Variants in GALNT13 observed in about 807,000 individuals in gnomAD.
GALNT13 encodes UDP-GalNAc:polypeptide N-acetylgalactosaminyltransferase 13.
In GALNT13, 28 loss-of-function variants were observed where a neutral mutation model predicts 64.2. The ratio of observed to expected loss-of-function variants is 0.44; its 90% CI spans 0.32 to 0.60. The LOEUF (loss-of-function observed/expected upper bound fraction) is 0.60. Among genes scored for constraint, GALNT13 ranks in the 20% least tolerant of loss-of-function variants. GALNT13 has a pLI of 0.05. For missense variants in GALNT13, 577 were observed against 669.8 expected (o/e 0.86, Z 1.53); for synonymous variants, 214 against 224.6 (o/e 0.95, Z 0.42).
the GALNT13 span, among the ~76,000 whole-genome samples, chr2:153,307,175 A>G: frequency 6.6e-6 from 1 of 152,342 alleles, no homozygotes; most frequent in South Asian, 2.1e-4. Flanking sequence ...TAAAGCATCA[A>G]TTAATCTAAT....
chr2:154,382,996 A>T (rs2105335391), intron 9 of GALNT13, among the ~76,000 whole-genome samples: 1 of 151,944 alleles, frequency 6.6e-6, no homozygotes, highest in Middle Eastern at 3.4e-3. Context: ...GGTTAGAAAA[A>T]TCCACGGGCC....
the GALNT13 span, among the ~76,000 whole-genome samples, chr2:153,601,574 A>G: frequency 6.6e-6 from 1 of 151,524 alleles, no homozygotes; most frequent in Non-Finnish European, 1.5e-5. Context: ...CTCAAGCAGA[A>G]CAAGGGCAAA....
the GALNT13 span, among the ~76,000 whole-genome samples, chr2:153,557,456 C>G: frequency 1.3e-5 from 2 of 152,176 alleles, no homozygotes; most frequent in Admixed American, 6.5e-5. Context: ...CTTCCATCCT[C>G]GCCTGTCCCT....
the GALNT13 span, among the ~76,000 whole-genome samples, chr2:153,282,616 A>G: frequency 6.6e-6 from 1 of 152,042 alleles, no homozygotes. Flanking sequence ...GGGTTTCACC[A>G]TGTTGCCTAG....
chr2:153,360,463 C>T, the GALNT13 span, among the ~76,000 whole-genome samples: 1 of 152,188 alleles, frequency 6.6e-6, no homozygotes, highest in African/African-American at 2.4e-5. Flanking sequence ...TCCTAACACA[C>T]TAAGATCCCA....
At chr2:153,208,973 C>CTTTTTTTTTTTTTTTGTTTTTTTT in the GALNT13 span, among the ~76,000 whole-genome samples, 1 of 74,682 alleles carries the variant, frequency 1.3e-5, no homozygotes, top group Non-Finnish European at 2.4e-5. Flanking sequence ...TGGTTTTGGT[C>CTTTTTTTTTTTTTTTGTTTTTTTT]TTTTTTTTTT....
At chr2:153,372,670 G>T in the GALNT13 span, among the ~76,000 whole-genome samples, 4 of 151,318 alleles carry the variant, frequency 2.6e-5, no homozygotes, top group East Asian at 7.8e-4. Context: ...AAGAAGGAAA[G>T]AAAGCAGAAG....
intron 4 of GALNT13, among the ~76,000 whole-genome samples, chr2:154,162,877 G>A (rs1353969828): frequency 2.0e-5 from 3 of 148,360 alleles, no homozygotes; most frequent in East Asian, 2.0e-4. Flanking sequence ...TGAGGTAATG[G>A]AAGTCCACAG....
At chr2:154,387,445 G>A (rs1457089350) in intron 9 of GALNT13, among the ~76,000 whole-genome samples, 1 of 152,028 alleles carries the variant, frequency 6.6e-6, no homozygotes, top group Admixed American at 6.6e-5. Context: ...TATTTTTAGT[G>A]ATAATGTCCT....
At chr2:154,322,920 C>T (rs1473287384) in intron 9 of GALNT13, among the ~76,000 whole-genome samples, 1 of 151,888 alleles carries the variant, frequency 6.6e-6, no homozygotes. Context: ...GGCTGGAAGA[C>T]TTGGCTGACC....
intron 3 of GALNT13, among the ~76,000 whole-genome samples, chr2:154,008,079 T>G (rs1696378381): frequency 6.6e-6 from 1 of 152,182 alleles, no homozygotes; most frequent in Non-Finnish European, 1.5e-5. Flanking sequence ...AGAATCTCAT[T>G]ACAGTTGGTT....
chr2:154,121,623 T>C (rs1294254005), intron 3 of GALNT13, among the ~76,000 whole-genome samples: 2 of 152,172 alleles, frequency 1.3e-5, no homozygotes, highest in Non-Finnish European at 2.9e-5. Context: ...ACTAAATGTT[T>C]ATTGCCATAT....
chr2:153,747,620 G>A, the GALNT13 span, among the ~76,000 whole-genome samples: 1 of 151,698 alleles, frequency 6.6e-6, no homozygotes, highest in Non-Finnish European at 1.5e-5. Context: ...TAGAGACAGG[G>A]TTTCAGTATG....
At chr2:153,216,695 T>C in the GALNT13 span, among the ~76,000 whole-genome samples, 3 of 152,064 alleles carry the variant, frequency 2.0e-5, no homozygotes, top group African/African-American at 7.2e-5. Flanking sequence ...ATATTCTAGA[T>C]AAAAATCTCT....
chr2:154,127,629 G>T (rs1682361321), intron 3 of GALNT13, among the ~76,000 whole-genome samples: 2 of 151,074 alleles, frequency 1.3e-5, no homozygotes, highest in South Asian at 2.1e-4. Context: ...AATATAGGAA[G>T]AAGTTTGGGT....
At chr2:153,405,228 A>G in the GALNT13 span, among the ~76,000 whole-genome samples, 1 of 152,238 alleles carries the variant, frequency 6.6e-6, no homozygotes, top group Non-Finnish European at 1.5e-5. Context: ...GAGTTTCTAA[A>G]TAAGGAGTCT....
At position 154,450,591 on chromosome 2, in the gene GALNT13, G is replaced by C. The variant is rs746539554; in HGVS notation, c.*40G>C. On this transcript the variant is annotated 3_prime_UTR_variant, in exon 13 of 13. Coordinates refer to ENST00000392825, the MANE Select transcript of GALNT13 (RefSeq NM_052917.4). ...AAGCCATGAAAGTGTCTACGCTTTT[G>C]TTTTTCCATTATTTCAATTGGGGGA... 1 of 1,480,064 alleles carries C rather than the reference G, an allele frequency of 6.8e-7. No individual in the cohort carries two copies. Among genetic ancestry groups the C allele is most frequent in the Non-Finnish European group, 9.0e-7 (1 of 1,111,484 alleles). The allele number at this position is 1,480,064 out of a possible 1,614,324, so 91.7% of individuals were successfully genotyped here.
the GALNT13 span, among the ~76,000 whole-genome samples, chr2:153,385,557 G>T: frequency 1.3e-5 from 2 of 152,038 alleles, no homozygotes; most frequent in East Asian, 1.9e-4. Context: ...CGATAGTGGG[G>T]TGGGGAGGTG....
At chr2:153,951,826 G>A (rs1012261856) in intron 3 of GALNT13, among the ~76,000 whole-genome samples, 2 of 152,104 alleles carry the variant, frequency 1.3e-5, no homozygotes, top group Non-Finnish European at 2.9e-5. Context: ...TTTTATTAAA[G>A]TGAAGTTTAT....
Sources: gnomAD v4.1 joint callset for allele counts (sites outside exome capture counted in the v4.1 genomes callset) on GRCh38, gnomAD v4.1.1 for gene constraint, MANE v1.5 for transcripts, NCBI Gene and HGNC (gene_info 2026-07-23, HGNC 2026-07-21) for gene names.